Variants in ATP9A observed in about 807,000 individuals in gnomAD.
The protein encoded by ATP9A is ATPase phospholipid transporting 9A.
ATP9A carries 52 observed loss-of-function variants against 144.1 expected under a neutral mutation model. The observed-to-expected ratio is 0.36, with a 90% CI of 0.29 to 0.45. ATP9A has a LOEUF of 0.45. ATP9A is among the 20% of genes least tolerant of loss of function. ATP9A has a pLI of 1.00. For synonymous variants in ATP9A, 582 were observed against 557.4 expected, an observed-to-expected ratio of 1.04 and a Z score of -0.62; for missense variants, 947 against 1,392.7, an observed-to-expected ratio of 0.68 and a Z score of 5.09.
At chr20:51,654,512 T>TA (rs750912810) in intron 14 of ATP9A, among the ~76,000 whole-genome samples, 195 of 140,658 alleles carry the variant, frequency 1.4e-3, no homozygotes, top group East Asian at 1.6e-3. Flanking sequence ...GTTAAATGTT[T>TA]AAAAAAAAAA....
At chr20:51,612,707 G>A (rs1023786882) in intron 23 of ATP9A, among the ~76,000 whole-genome samples, 3 of 152,332 alleles carry the variant, frequency 2.0e-5, no homozygotes, top group South Asian at 2.1e-4. Flanking sequence ...TTACAGGCAT[G>A]AGCCACTGCG....
At chr20:51,601,503 A>C (rs2077142912) in intron 27 of ATP9A, among the ~76,000 whole-genome samples, 156 bp from the exon 28 acceptor site, 1 of 152,234 alleles carries the variant, frequency 6.6e-6, no homozygotes, top group Admixed American at 6.5e-5. Flanking sequence ...ATGGACTGTA[A>C]GGGAAGGTAC....
At chr20:51,701,420 A>G (rs1444277939) in intron 4 of ATP9A, among the ~76,000 whole-genome samples, 1 of 152,236 alleles carries the variant, frequency 6.6e-6, no homozygotes. Context: ...AATTAAAATT[A>G]GCTCAAATTT....
rs141178780 is a variant in ATP9A, at chr20:51,749,987, G to GA, written c.68+18314dup. Among the ~76,000 whole-genome samples the GA allele has an allele frequency of 1.4e-3, 216 of 151,800 alleles. 1 individual carries two copies. The highest frequency in any genetic ancestry group is 5.1e-3 in the African/African-American group (212 of 41,414). On this transcript the variant is annotated intron_variant, in intron 1 of 27. Coordinates refer to ENST00000338821, the MANE Select transcript of ATP9A (RefSeq NM_006045.3). ...GAAACCCTGTCTCTACTTAAAAAAA[G>GA]AAAAAAAGTCCAATAAAATTAGCTG...
In ATP9A at chr20:51,696,255, G is replaced by A. The variant is rs377293730; in HGVS notation, c.496-111C>T. 2.2e-4 allele frequency: 173 copies of A among 790,098 alleles called. 1 individual carries two copies. In the East Asian group the frequency reaches 3.0e-3, roughly 14 times the overall value. 48.9% of individuals were successfully genotyped at this position (790,098 alleles called of 1,614,324 possible). A position where few individuals can be genotyped will look rare whatever the true frequency, so the allele number is the denominator to read the frequency against. On this transcript the variant is annotated intron_variant, in intron 5 of 27. Coordinates refer to ENST00000338821, the MANE Select transcript of ATP9A (RefSeq NM_006045.3). ...ACCCCTCGGTGGGTTGGGGCAGGGG[G>A]GACTGAAACTCACAGACTCTTTTAC...
At chr20:51,750,981 G>A (rs1173660437) in intron 1 of ATP9A, among the ~76,000 whole-genome samples, 1 of 152,048 alleles carries the variant, frequency 6.6e-6, no homozygotes, top group Non-Finnish European at 1.5e-5. Context: ...TGGGGTCTAA[G>A]AGCTCTACGT....
At chr20:51,729,368 T>C (rs888779931) in intron 2 of ATP9A, among the ~76,000 whole-genome samples, 68 of 133,182 alleles carry the variant, frequency 5.1e-4, no homozygotes, top group Non-Finnish European at 1.4e-4. Flanking sequence ...CACTACCCAG[T>C]GCTGAACCCA....
intron 4 of ATP9A, among the ~76,000 whole-genome samples, chr20:51,708,171 G>A (rs1160255766): frequency 6.6e-6 from 1 of 151,898 alleles, no homozygotes; most frequent in Non-Finnish European, 1.5e-5. Flanking sequence ...ATACACCTTG[G>A]CTGGGCACAG....
chr20:51,671,711 C>T (rs2077456524), intron 11 of ATP9A, among the ~76,000 whole-genome samples: 1 of 152,122 alleles, frequency 6.6e-6, no homozygotes, highest in African/African-American at 2.4e-5. Flanking sequence ...AAATTCCACA[C>T]CCATTCAACA....
intron 2 of ATP9A, among the ~76,000 whole-genome samples, chr20:51,729,503 G>C (rs903256186): frequency 6.6e-6 from 1 of 152,184 alleles, no homozygotes; most frequent in East Asian, 1.9e-4. Flanking sequence ...CCAGCACTTT[G>C]AGAGGCTGAA....
intron 14 of ATP9A, among the ~76,000 whole-genome samples, chr20:51,647,011 CG>C (rs1482235657): frequency 6.6e-6 from 1 of 151,932 alleles, no homozygotes. Context: ...TCCAGCTACT[CG>C]GGAGGCTGAG....
intron 13 of ATP9A, among the ~76,000 whole-genome samples, chr20:51,668,033 C>T (rs2122783623): frequency 7.2e-6 from 1 of 139,070 alleles, no homozygotes; most frequent in African/African-American, 2.7e-5. Flanking sequence ...TGCACCACTG[C>T]ACTCCAGCCT....
At chr20:51,667,045 G>A (rs1033192461) in intron 13 of ATP9A, among the ~76,000 whole-genome samples, 5 of 152,082 alleles carry the variant, frequency 3.3e-5, no homozygotes, top group Non-Finnish European at 7.4e-5. Context: ...CCCCAGCCTC[G>A]CACAGCTAAC....
chr20:51,682,353 A>ATACT (rs2077503328), intron 9 of ATP9A, among the ~76,000 whole-genome samples: 1 of 152,178 alleles, frequency 6.6e-6, no homozygotes, highest in Non-Finnish European at 1.5e-5. Context: ...TGAACCGTCC[A>ATACT]CAAAAAATGA....
At chr20:51,688,933 G>C in intron 9 of ATP9A, 131 bp downstream of exon 9, 1 of 985,452 alleles carries the variant, frequency 1.0e-6, no homozygotes, top group Non-Finnish European at 1.6e-6. Flanking sequence ...TTCCCTGGAG[G>C]TGTCGGAACA....
intron 3 of ATP9A, among the ~76,000 whole-genome samples, chr20:51,720,127 C>A (rs2077682487): frequency 1.3e-5 from 2 of 152,142 alleles, no homozygotes; most frequent in South Asian, 2.1e-4. Context: ...GAGGGAAGGA[C>A]AAGAAATGAA....
chr20:51,654,513 A>T (rs1461545034), intron 14 of ATP9A, among the ~76,000 whole-genome samples: 1 of 136,438 alleles, frequency 7.3e-6, no homozygotes, highest in Admixed American at 7.3e-5. Context: ...TTAAATGTTT[A>T]AAAAAAAAAA....
chr20:51,732,522 A>G (rs2077746548), intron 1 of ATP9A: 1 of 152,202 alleles, frequency 6.6e-6, no homozygotes, highest in Non-Finnish European at 1.5e-5. Flanking sequence ...GCCTGCTCAG[A>G]TGCTCAAAAT....
In ATP9A at chr20:51,618,825, G is replaced by C; in HGVS notation, c.2206-19C>G. On this transcript the variant is annotated intron_variant, in intron 20 of 27. Transcript: ENST00000338821. Reference sequence around the variant, plus strand: ...GGCAAACCTGCAGGGTGGAGGGAGAGGTGGTGCGTTGGTGGAGGGAGAGGT... The same window carrying C: ...GGCAAACCTGCAGGGTGGAGGGAGACGTGGTGCGTTGGTGGAGGGAGAGGT... The C allele has an allele frequency of 1.9e-6, 3 of 1,580,216 alleles. No individual in the cohort carries two copies. In the South Asian group the frequency reaches 3.5e-5, roughly 18 times the overall value.
Sources: allele counts gnomAD v4.1 joint callset (sites outside exome capture counted in the v4.1 genomes callset), GRCh38; gene constraint gnomAD v4.1.1; transcripts MANE v1.5; gene names NCBI Gene and HGNC (gene_info 2026-07-23, HGNC 2026-07-21).